EEF1AKMT1: variants seen among roughly 807,000 people sequenced by gnomAD.
EEF1AKMT1 encodes the protein N-6 adenine-specific DNA methyltransferase 2 (putative).
EEF1AKMT1 carries 18 observed loss-of-function variants against 21.0 expected under a neutral mutation model. The observed-to-expected ratio is 0.86, with a 90% CI of 0.59 to 1.27. The LOEUF is 1.27. Ranked by LOEUF, EEF1AKMT1 falls within the 50% of genes most tolerant of loss-of-function variation. EEF1AKMT1 has a pLI of 0.00. For missense variants in EEF1AKMT1, 246 were observed against 258.6 expected (o/e 0.95, Z 0.33); for synonymous variants, 109 against 94.8 (o/e 1.15, Z -0.87).
intron 3 of EEF1AKMT1, among the ~76,000 whole-genome samples, chr13:20,732,732 C>T (rs2058804476): frequency 1.3e-5 from 2 of 152,102 alleles, no homozygotes; most frequent in African/African-American, 4.8e-5. Context: ...GTAGTTAGCC[C>T]AAAGCCTAAA....
chr13:20,731,912 G>T lies in EEF1AKMT1; in HGVS notation c.437C>A (p.Ser146Ter), dbSNP rs766014793. 6.2e-7 allele frequency: 1 copy of T among 1,614,142 alleles called. No homozygotes were observed. Among genetic ancestry groups the T allele is most frequent in the Admixed American group, 1.7e-5 (1 of 60,018 alleles). Residue 146 changes from serine (S) to a stop codon, truncating the protein, a stop_gained, in exon 4 of 5, where the codon TCG becomes TAG. Transcript: ENST00000382758. LOFTEE classifies it high-confidence loss of function. ...DIVIADPPYL[S>*]EECLRKTSET... ...CGATGTTTTTCTGAGACATTCCTCCGAAAGATAGGGAGGATCTGCTATTAC... is the reference window on the plus strand; with the variant it reads ...CGATGTTTTTCTGAGACATTCCTCCTAAAGATAGGGAGGATCTGCTATTAC...
chr13:20,772,230 TA>T (rs1184276810), intron 1 of EEF1AKMT1, among the ~76,000 whole-genome samples: 6 of 151,956 alleles, frequency 3.9e-5, no homozygotes, highest in East Asian at 1.9e-4. Context: ...CAAGTGGCAG[TA>T]AAAAAAATTT....
intron 2 of EEF1AKMT1, among the ~76,000 whole-genome samples, chr13:20,740,348 G>A (rs376232893): frequency 4.9e-4 from 75 of 152,338 alleles, no homozygotes; most frequent in South Asian, 1.2e-3. Context: ...AGCCGGCTTC[G>A]GCCTCGGCCA....
At chr13:20,735,037 CA>C (rs1336548492) in intron 3 of EEF1AKMT1, among the ~76,000 whole-genome samples, 3 of 151,968 alleles carry the variant, frequency 2.0e-5, no homozygotes, top group African/African-American at 7.3e-5. Flanking sequence ...GAGCAAAAAC[CA>C]AAGGGCATGT....
At chr13:20,729,903 G>A (rs1306618013) in intron 4 of EEF1AKMT1, among the ~76,000 whole-genome samples, 4 of 152,186 alleles carry the variant, frequency 2.6e-5, no homozygotes, top group African/African-American at 7.2e-5. Flanking sequence ...CCAAAACCTC[G>A]GTCAAGTTAA....
intron 3 of EEF1AKMT1, among the ~76,000 whole-genome samples, chr13:20,737,091 C>T (rs1188086592): frequency 1.3e-5 from 2 of 151,986 alleles, no homozygotes; most frequent in Non-Finnish European, 2.9e-5. Context: ...CCAGGCCAGG[C>T]ACGGTGGCTC....
intron 2 of EEF1AKMT1, among the ~76,000 whole-genome samples, chr13:20,744,402 G>A (rs2058891164): frequency 6.6e-6 from 1 of 152,152 alleles, no homozygotes; most frequent in South Asian, 2.1e-4. Flanking sequence ...GTATCTCGTT[G>A]TGGTTTTGAT....
chr13:20,736,733 CTTTTTTTTT>C lies in EEF1AKMT1; in HGVS notation c.227+981_227+989del, dbSNP rs71087090. The stretch of plus-strand genomic sequence containing the variant: ...CATTAAGCCTTTTAGAACCATTTGA[CTTTTTTTTT>C]TTTTTTTTTTTTTGAGACAGAGTCT... On this transcript the variant is annotated intron_variant, in intron 3 of 4. Transcript: ENST00000382758. Among the ~76,000 whole-genome samples the C allele has an allele frequency of 1.3e-3, 115 of 87,084 alleles. 3 individuals carry two copies. In the South Asian group the frequency reaches 0.044, roughly 34 times the overall value. 57.1% of individuals were successfully genotyped at this position (87,084 alleles called of 152,430 possible).
intron 2 of EEF1AKMT1, among the ~76,000 whole-genome samples, chr13:20,739,873 G>A (rs2058859508): frequency 6.6e-6 from 1 of 152,256 alleles, no homozygotes; most frequent in East Asian, 1.9e-4. Context: ...GCTTCACCTA[G>A]TGGATCCAGC....
At chr13:20,738,851 A>G (rs998381004) in intron 2 of EEF1AKMT1, among the ~76,000 whole-genome samples, 3 of 152,196 alleles carry the variant, frequency 2.0e-5, no homozygotes, top group African/African-American at 7.2e-5. Context: ...TGACAGCTGA[A>G]AAACATATGG....
intron 4 of EEF1AKMT1, among the ~76,000 whole-genome samples, chr13:20,730,630 A>T (rs1204330494): frequency 6.6e-6 from 1 of 152,198 alleles, no homozygotes; most frequent in Non-Finnish European, 1.5e-5. Flanking sequence ...AGGTGAAGCC[A>T]GCTGGACTTC....
At chr13:20,738,165 A>T (rs2058837198) in intron 2 of EEF1AKMT1, among the ~76,000 whole-genome samples, 2 of 152,230 alleles carry the variant, frequency 1.3e-5, no homozygotes, top group Admixed American at 1.3e-4. Flanking sequence ...TTCTAGGTTC[A>T]ACCAGCAATG....
intron 2 of EEF1AKMT1, among the ~76,000 whole-genome samples, chr13:20,748,718 T>G (rs1381720599): frequency 1.0e-5 from 1 of 97,898 alleles, no homozygotes; most frequent in African/African-American, 3.5e-5. Context: ...TATAGTTGTT[T>G]TTTTTTGGTT....
chr13:20,736,292 C>T (rs2058825744), intron 3 of EEF1AKMT1, among the ~76,000 whole-genome samples: 1 of 152,254 alleles, frequency 6.6e-6, no homozygotes, highest in Admixed American at 6.5e-5. Flanking sequence ...AATGGAGCAA[C>T]GCCTTCAAAA....
intron 4 of EEF1AKMT1, among the ~76,000 whole-genome samples, chr13:20,730,358 G>C (rs1187426441): frequency 6.6e-6 from 1 of 152,158 alleles, no homozygotes; most frequent in Admixed American, 6.5e-5. Context: ...CTCCACTCCT[G>C]GCCCAGCCCT....
chr13:20,743,141 A>G (rs1280457613), intron 2 of EEF1AKMT1, among the ~76,000 whole-genome samples: 1 of 152,088 alleles, frequency 6.6e-6, no homozygotes, highest in Non-Finnish European at 1.5e-5. Context: ...ATCTCAGCTC[A>G]CTACAACCTC....
chr13:20,753,497 T>A (rs1016633305), intron 2 of EEF1AKMT1, among the ~76,000 whole-genome samples: 1 of 152,192 alleles, frequency 6.6e-6, no homozygotes, highest in Non-Finnish European at 1.5e-5. Flanking sequence ...TAATTTTCTA[T>A]GTAGATGATC....
chr13:20,739,065 G>T (rs1044884492), intron 2 of EEF1AKMT1, among the ~76,000 whole-genome samples: 1 of 152,076 alleles, frequency 6.6e-6, no homozygotes, highest in South Asian at 2.1e-4. Context: ...TCCTGGGGGG[G>T]TCGTGGTCTC....
chr13:20,736,655 G>C (rs1390152276), intron 3 of EEF1AKMT1, among the ~76,000 whole-genome samples: 1 of 151,710 alleles, frequency 6.6e-6, no homozygotes, highest in Non-Finnish European at 1.5e-5. Flanking sequence ...CTTACTGATA[G>C]GATATTTAGA....
Sources: gnomAD v4.1 joint callset for allele counts (sites outside exome capture counted in the v4.1 genomes callset) on GRCh38, gnomAD v4.1.1 for gene constraint, MANE v1.5 for transcripts, NCBI Gene and HGNC (gene_info 2026-07-23, HGNC 2026-07-21) for gene names.